Variants in LDLRAD4 observed in about 807,000 individuals in gnomAD.
LDLRAD4 encodes the protein low density lipoprotein receptor class A domain containing 4, also known as low-density lipoprotein receptor class A domain-containing protein 4.
LDLRAD4 carries 5 observed loss-of-function variants against 17.0 expected under a neutral mutation model. That is an observed-to-expected ratio of 0.29 (90% CI 0.15 to 0.62). The LOEUF is 0.62. LDLRAD4 is among the 20% of genes least tolerant of loss of function. The pLI, the probability that LDLRAD4 is intolerant of heterozygous loss-of-function variation, is 0.84. For synonymous variants in LDLRAD4, 168 were observed against 171.8 expected, an observed-to-expected ratio of 0.98 and a Z score of 0.17; for missense variants, 340 against 424.7, an observed-to-expected ratio of 0.80 and a Z score of 1.75.
chr18:13,571,451 A>G lies in LDLRAD4; in HGVS notation c.182-49666A>G, dbSNP rs2094689005. ...ATTACTAAGAAGCAAGCACTCTTCC[A>G]TGCCACACTACTGCCTCTGGTAACC... On this transcript the variant is annotated intron_variant, in intron 3 of 5. Coordinates refer to ENST00000359446, the Ensembl canonical transcript of LDLRAD4. Among the ~76,000 whole-genome samples, 4 of 152,292 alleles carry G rather than the reference A, an allele frequency of 2.6e-5. No homozygotes were observed. The South Asian group carries it at 6.2e-4, about 24-fold the overall frequency.
In LDLRAD4 at chr18:13,441,913, A is replaced by G. The variant is rs79492217; in HGVS notation, c.181+3529A>G. On this transcript the variant is annotated intron_variant, in intron 3 of 5. Coordinates refer to ENST00000359446, the Ensembl canonical transcript of LDLRAD4. ...CTGCTGAGAGACCAAAGGGTTTTGC[A>G]TGGACGTGGAGGTCTGGGCTGACAT... 4.6e-3 allele frequency among the ~76,000 whole-genome samples: 694 copies of G among 152,244 alleles called. 7 individuals are homozygous for G. The highest frequency in any genetic ancestry group is 0.015 in the South Asian group (72 of 4,826).
chr18:13,225,924 G>A (rs1421681965), intron 1 of LDLRAD4, among the ~76,000 whole-genome samples: 1 of 151,980 alleles, frequency 6.6e-6, no homozygotes, highest in East Asian at 1.9e-4. Context: ...TTTAAAACCA[G>A]TTTTAGGACA....
intron 3 of LDLRAD4, chr18:13,484,182 T>G (rs999370467): frequency 2.0e-5 from 3 of 152,200 alleles, no homozygotes; most frequent in African/African-American, 7.2e-5. Flanking sequence ...CTGCATTCGC[T>G]GGGTGATGCT....
At chr18:13,588,647 C>T (rs1044589658) in intron 3 of LDLRAD4, among the ~76,000 whole-genome samples, 3 of 151,990 alleles carry the variant, frequency 2.0e-5, no homozygotes, top group African/African-American at 7.3e-5. Flanking sequence ...CTCTGCTACT[C>T]GCCGGGTGTT....
chr18:13,315,416 G>A (rs12957122), intron 1 of LDLRAD4, among the ~76,000 whole-genome samples: 7,947 of 152,240 alleles, frequency 0.052, 301 homozygotes, highest in Non-Finnish European at 0.074. Context: ...GTAGTTTTTG[G>A]ACTAATGAGA....
intron 1 of LDLRAD4, among the ~76,000 whole-genome samples, chr18:13,237,347 A>T (rs760619914): frequency 5.9e-5 from 9 of 152,288 alleles, no homozygotes; most frequent in South Asian, 4.1e-4. Context: ...CTGTGATCTG[A>T]TAGGATGTGG....
At chr18:13,310,118 T>C (rs942996822) in intron 1 of LDLRAD4, among the ~76,000 whole-genome samples, 1 of 149,596 alleles carries the variant, frequency 6.7e-6, no homozygotes, top group African/African-American at 2.5e-5. Flanking sequence ...GGTTGGGGGA[T>C]CGGATTGCTT....
chr18:13,247,340 G>T (rs908014343), intron 1 of LDLRAD4, among the ~76,000 whole-genome samples: 2 of 152,024 alleles, frequency 1.3e-5, no homozygotes, highest in African/African-American at 4.8e-5. Flanking sequence ...CATGGCACGC[G>T]TATCACAACT....
chr18:13,613,957 G>A (rs1404902512), intron 3 of LDLRAD4: 2 of 152,248 alleles, frequency 1.3e-5, no homozygotes, highest in East Asian at 3.8e-4. Flanking sequence ...AGAGTAACCA[G>A]GAGGCTCTTT....
intron 1 of LDLRAD4, among the ~76,000 whole-genome samples, chr18:13,338,668 G>A (rs1199358368): frequency 6.6e-6 from 1 of 152,176 alleles, no homozygotes; most frequent in Non-Finnish European, 1.5e-5. Context: ...GTGGCCCTCT[G>A]TATGAAAAAA....
chr18:13,238,006 G>A (rs1280740306), intron 1 of LDLRAD4, among the ~76,000 whole-genome samples: 7 of 152,118 alleles, frequency 4.6e-5, no homozygotes, highest in African/African-American at 1.2e-4. Flanking sequence ...GCGAAGTCAC[G>A]GTGCTTGGGC....
intron 3 of LDLRAD4, among the ~76,000 whole-genome samples, chr18:13,539,295 GT>G (rs2094242564): frequency 6.6e-6 from 1 of 152,208 alleles, no homozygotes; most frequent in Non-Finnish European, 1.5e-5. Flanking sequence ...CTGTGTGCTT[GT>G]TTGAACACCA....
At chr18:13,427,723 A>G (rs368172945) in intron 2 of LDLRAD4, among the ~76,000 whole-genome samples, 3 of 152,262 alleles carry the variant, frequency 2.0e-5, no homozygotes, top group African/African-American at 7.2e-5. Context: ...GAACGATTCC[A>G]TAATTGAAGA....
intron 1 of LDLRAD4, among the ~76,000 whole-genome samples, chr18:13,319,330 C>T (rs900758850): frequency 5.9e-5 from 9 of 152,092 alleles, no homozygotes; most frequent in Non-Finnish European, 1.3e-4. Flanking sequence ...GGCAGCTGGC[C>T]CAGGTCGTGC....
At chr18:13,627,746 G>C (rs1000488718) in intron 4 of LDLRAD4, among the ~76,000 whole-genome samples, 1 of 152,194 alleles carries the variant, frequency 6.6e-6, no homozygotes, top group Non-Finnish European at 1.5e-5. Flanking sequence ...TGTGACTAAA[G>C]CTTATAGCCA....
chr18:13,225,694 G>A (rs982117416), intron 1 of LDLRAD4, among the ~76,000 whole-genome samples: 1 of 152,196 alleles, frequency 6.6e-6, no homozygotes, highest in African/African-American at 2.4e-5. Flanking sequence ...GGGAAAGAAG[G>A]AAGAAAATAA....
intron 3 of LDLRAD4, among the ~76,000 whole-genome samples, chr18:13,603,404 C>A: frequency 6.6e-6 from 1 of 152,194 alleles, no homozygotes; most frequent in African/African-American, 2.4e-5. Context: ...CTCGGATCGG[C>A]CACATTTAGA....
At chr18:13,447,278 C>T (rs1008634800) in intron 3 of LDLRAD4, among the ~76,000 whole-genome samples, 3 of 152,200 alleles carry the variant, frequency 2.0e-5, no homozygotes, top group African/African-American at 4.8e-5. Context: ...CTGTCACTGG[C>T]AACACGCTTC....
intron 3 of LDLRAD4, among the ~76,000 whole-genome samples, chr18:13,540,255 G>A (rs1215821723): frequency 1.3e-5 from 2 of 152,168 alleles, no homozygotes; most frequent in East Asian, 1.9e-4. Flanking sequence ...TGAGATCCCC[G>A]TAATTCTTTG....
Sources: gnomAD v4.1 joint callset for allele counts (sites outside exome capture counted in the v4.1 genomes callset) on GRCh38, gnomAD v4.1.1 for gene constraint, MANE v1.5 for transcripts, NCBI Gene and HGNC (gene_info 2026-07-23, HGNC 2026-07-21) for gene names.